SLC36A3: variants seen among roughly 807,000 people sequenced by gnomAD.
The protein encoded by SLC36A3 is proton-coupled amino acid transporter 3.
A neutral mutation model predicts 44.3 loss-of-function variants in SLC36A3; 35 were observed. The observed-to-expected ratio is 0.79, with a 90% CI of 0.60 to 1.05. SLC36A3 has a LOEUF of 1.05. Ranked by LOEUF, SLC36A3 falls within the 50% of genes least tolerant of loss-of-function variation. The probability of loss-of-function intolerance (pLI) is 0.00; values close to 1 mark genes in which losing one functional copy is unlikely to be tolerated. For missense variants in SLC36A3, 540 were observed against 578.7 expected (o/e 0.93, Z 0.69); for synonymous variants, 211 against 227.6 (o/e 0.93, Z 0.66).
intron 4 of SLC36A3, among the ~76,000 whole-genome samples, chr5:151,288,755 A>G (rs1754643852): frequency 6.6e-6 from 1 of 151,138 alleles, no homozygotes; most frequent in African/African-American, 2.4e-5. Flanking sequence ...TCGTCTATAC[A>G]CACACACACA....
At chr5:151,299,366 C>A (rs1399986075) in intron 1 of SLC36A3, among the ~76,000 whole-genome samples, 1 of 106,618 alleles carries the variant, frequency 9.4e-6, no homozygotes, top group Non-Finnish European at 1.7e-5. Flanking sequence ...GTCAGATGAG[C>A]ATGGTGATAT....
intron 8 of SLC36A3, among the ~76,000 whole-genome samples, chr5:151,283,823 A>C (rs1754422305): frequency 1.3e-5 from 2 of 152,374 alleles, no homozygotes; most frequent in South Asian, 4.1e-4. Context: ...TGTTCACCAA[A>C]TACTTCCAGG....
intron 6 of SLC36A3, among the ~76,000 whole-genome samples, chr5:151,284,996 C>T (rs1754479884): frequency 6.6e-6 from 1 of 152,192 alleles, no homozygotes; most frequent in African/African-American, 2.4e-5. Context: ...ATCTCCAGAA[C>T]ATTTTCATCA....
rs746477454 is a variant in SLC36A3 at position 151,298,729 on chromosome 5, G to A, written c.129-46C>T. The A allele has an allele frequency of 4.4e-6, 7 of 1,596,830 alleles. No individual in the cohort carries two copies. The East Asian group carries it at 1.1e-4, about 26-fold the overall frequency. On this transcript the variant is annotated intron_variant, in intron 1 of 9. Transcript: ENST00000335230. Reference sequence around the variant, plus strand: ...AGACAGAGGGTACTGTTAGTGGAAGGGAAGCATGGCCAGAAACTCAGCCTC... The same window carrying A: ...AGACAGAGGGTACTGTTAGTGGAAGAGAAGCATGGCCAGAAACTCAGCCTC...
chr5:151,288,131 TATC>T (rs1754613861), intron 5 of SLC36A3, among the ~76,000 whole-genome samples: 1 of 152,216 alleles, frequency 6.6e-6, no homozygotes, highest in Non-Finnish European at 1.5e-5. Flanking sequence ...GGCTAACAAT[TATC>T]ATTGATTTCT....
intron 8 of SLC36A3, among the ~76,000 whole-genome samples, chr5:151,282,242 C>T (rs2127255293): frequency 6.7e-6 from 1 of 149,668 alleles, no homozygotes; most frequent in African/African-American, 2.5e-5. Context: ...GATCTCAGCT[C>T]ACCACAACTT....
intron 1 of SLC36A3, among the ~76,000 whole-genome samples, chr5:151,299,225 GCTCTCTCTCTCTCTCTCTCTCT>G (rs61382152): frequency 3.2e-5 from 3 of 92,386 alleles, no homozygotes; most frequent in South Asian, 4.1e-4. Flanking sequence ...TTGCTTGTGC[GCTCTCTCTCTCTCTCTCTCTCT>G]CTCTCTCTCT....
At chr5:151,297,957 T>C (rs1366914636) in intron 2 of SLC36A3, 2 of 152,180 alleles carry the variant, frequency 1.3e-5, no homozygotes, top group Non-Finnish European at 2.9e-5. Flanking sequence ...CGAGACTCTG[T>C]CTCAATAAAT....
intron 1 of SLC36A3, among the ~76,000 whole-genome samples, chr5:151,300,966 C>T (rs1422198793): frequency 3.9e-5 from 6 of 152,244 alleles, no homozygotes; most frequent in Admixed American, 3.3e-4. Flanking sequence ...TTTCCTCCAT[C>T]ACTTGTAATG....
At chr5:151,283,051 A>C (rs752527834) in intron 8 of SLC36A3, among the ~76,000 whole-genome samples, 12 of 151,824 alleles carry the variant, frequency 7.9e-5, no homozygotes, top group South Asian at 4.1e-4. Context: ...CGCCCAGCTA[A>C]TTTTGATATT....
At chr5:151,277,798 T>A in intron 9 of SLC36A3, 137 bp from the exon 10 acceptor site, 2 of 959,150 alleles carry the variant, frequency 2.1e-6, no homozygotes, top group Non-Finnish European at 3.0e-6. Flanking sequence ...CTTGGGGAGG[T>A]CAGGCAACTC....
chr5:151,295,233 T>A (rs948418788), intron 3 of SLC36A3, among the ~76,000 whole-genome samples: 7 of 152,318 alleles, frequency 4.6e-5, no homozygotes, highest in Admixed American at 2.0e-4. Context: ...CCCAGCTATA[T>A]GACCCTGGGC....
At position 151,276,461 on chromosome 5, in the gene SLC36A3, C is replaced by T. The variant is rs1754098229; in HGVS notation, c.*932G>A. ...TTCTGTTCCTTGCTGAGGAATATTC[C>T]ATTGTATGGCTACATCACAATTTAT... On this transcript the variant is annotated 3_prime_UTR_variant, in exon 10 of 10. Coordinates refer to ENST00000335230, the MANE Select transcript of SLC36A3 (RefSeq NM_181774.4). Among the ~76,000 whole-genome samples the T allele has an allele frequency of 6.6e-6, 1 of 152,168 alleles. No individual in the cohort carries two copies. The highest frequency in any genetic ancestry group is 1.5e-5 in the Non-Finnish European group (1 of 68,026).
intron 2 of SLC36A3, chr5:151,297,230 G>A (rs1378803944): frequency 2.0e-5 from 3 of 152,108 alleles, no homozygotes; most frequent in Non-Finnish European, 4.4e-5. Flanking sequence ...GGAGATGAAA[G>A]GTAAAGAAAT....
chr5:151,287,623 G>A (rs150356222), intron 5 of SLC36A3, among the ~76,000 whole-genome samples, 159 bp from the exon 6 acceptor site: 30 of 152,236 alleles, frequency 2.0e-4, no homozygotes, highest in African/African-American at 7.2e-4. Context: ...CTACTTATCT[G>A]AAATTCTATC....
Position 151,279,822 on chromosome 5 carries a change from C to T in SLC36A3, c.1144+1192G>A, listed in dbSNP as rs116567131. Among the ~76,000 whole-genome samples, 628 of 152,298 alleles carry T rather than the reference C, an allele frequency of 4.1e-3. 4 individuals carry two copies. Among genetic ancestry groups the T allele is most frequent in the African/African-American group, 0.015 (606 of 41,562 alleles). ...TTGCATAGTTTCTCCTGACCCCGTA[C>T]GGAAACTTGATTCCTTCAATGACTT... On this transcript the variant is annotated intron_variant, in intron 9 of 9. Transcript: ENST00000335230.
intron 4 of SLC36A3, among the ~76,000 whole-genome samples, chr5:151,288,747 G>A (rs780237439): frequency 4.6e-5 from 7 of 150,916 alleles, no homozygotes; most frequent in South Asian, 2.1e-4. Flanking sequence ...ATGAATATTC[G>A]TCTATACACA....
At position 151,303,286 on chromosome 5, in the gene SLC36A3, T is replaced by C; in HGVS notation, c.69A>G (p.Ser23=). The change falls in exon 1 of 10, where the codon TCA becomes TCG. Residue 23 remains serine (S), a synonymous_variant. Coordinates refer to ENST00000335230, the MANE Select transcript of SLC36A3 (RefSeq NM_181774.4). ...NSLDNGPQSP[S]ESSSSITSEN... ...CTGAAGTAATGCTACTGCTGCTCTCTGAGGGTGACTGAGGTCCGTTGTCCA... is the reference window on the plus strand; with the variant it reads ...CTGAAGTAATGCTACTGCTGCTCTCCGAGGGTGACTGAGGTCCGTTGTCCA... The C allele has an allele frequency of 6.2e-7, 1 of 1,614,030 alleles. No homozygotes were observed. Among genetic ancestry groups the C allele is most frequent in the African/African-American group, 1.3e-5 (1 of 74,922 alleles).
intron 1 of SLC36A3, among the ~76,000 whole-genome samples, chr5:151,302,342 G>A (rs1016301360): frequency 3.9e-5 from 6 of 152,166 alleles, no homozygotes; most frequent in East Asian, 3.8e-4. Context: ...AGTTGTTACC[G>A]ATCTGATGAT....
Sources: allele counts gnomAD v4.1 joint callset (sites outside exome capture counted in the v4.1 genomes callset), GRCh38; gene constraint gnomAD v4.1.1; transcripts MANE v1.5; gene names NCBI Gene and HGNC (gene_info 2026-07-23, HGNC 2026-07-21).